Variants in SNTG2 observed in about 807,000 individuals in gnomAD.
SNTG2 encodes syntrophin gamma 2.
SNTG2 carries 74 observed loss-of-function variants against 70.9 expected under a neutral mutation model. That is an observed-to-expected ratio of 1.04 (90% CI 0.86 to 1.27). SNTG2 has a LOEUF of 1.27. Ranked by LOEUF, SNTG2 falls within the 50% of genes most tolerant of loss-of-function variation. SNTG2 has a pLI of 0.00. For synonymous variants in SNTG2, 278 were observed against 273.8 expected (o/e 1.02, Z -0.15); for missense variants, 717 against 690.7 (o/e 1.04, Z -0.43).
chr2:1,346,620 A>C (rs1660294751), intron 16 of SNTG2: 1 of 152,254 alleles, frequency 6.6e-6, no homozygotes, highest in Admixed American at 6.5e-5. Flanking sequence ...CCAAATACTT[A>C]CAGGTTTATT....
At chr2:1,275,361 C>T (rs1156317402) in intron 14 of SNTG2, among the ~76,000 whole-genome samples, 1 of 152,240 alleles carries the variant, frequency 6.6e-6, no homozygotes, top group Admixed American at 6.5e-5. Flanking sequence ...TCTATCACTG[C>T]CATTTTTCCA....
chr2:1,006,494 A>G (rs1365550668), intron 1 of SNTG2, among the ~76,000 whole-genome samples: 1 of 151,818 alleles, frequency 6.6e-6, no homozygotes. Context: ...GGACCTCAGT[A>G]TCATCATTTA....
intron 2 of SNTG2, among the ~76,000 whole-genome samples, chr2:1,092,107 G>C (rs1665065842): frequency 6.6e-6 from 1 of 152,344 alleles, no homozygotes; most frequent in South Asian, 2.1e-4. Context: ...GGCGAAGTCT[G>C]TTAGCACATT....
intron 1 of SNTG2, among the ~76,000 whole-genome samples, chr2:1,078,143 C>T (rs539726149): frequency 9.8e-4 from 150 of 152,300 alleles, no homozygotes; most frequent in Non-Finnish European, 1.3e-3. Flanking sequence ...AAGTAGGCTT[C>T]CTGTGGCATT....
intron 6 of SNTG2, among the ~76,000 whole-genome samples, chr2:1,152,551 T>C (rs1465302121): frequency 7.1e-6 from 1 of 140,954 alleles, no homozygotes; most frequent in Admixed American, 7.3e-5. Flanking sequence ...TGCACACACG[T>C]ATGTTTCTAG....
chr2:1,215,823 T>C (rs58375007), intron 9 of SNTG2, among the ~76,000 whole-genome samples: 27,227 of 151,542 alleles, frequency 0.18, 4,841 homozygotes, highest in African/African-American at 0.47. Flanking sequence ...TTTGTCCTTG[T>C]GATAGTTTGC....
chr2:1,156,012 C>A (rs1203635504), intron 6 of SNTG2, among the ~76,000 whole-genome samples: 2 of 152,126 alleles, frequency 1.3e-5, no homozygotes, highest in African/African-American at 4.8e-5. Flanking sequence ...ACACCGCAGA[C>A]AAAGGAACCC....
intron 15 of SNTG2, among the ~76,000 whole-genome samples, chr2:1,311,898 A>G (rs929122930): frequency 1.3e-5 from 2 of 152,188 alleles, no homozygotes; most frequent in African/African-American, 4.8e-5. Flanking sequence ...TGACATGGCA[A>G]CAATGCCTAT....
chr2:1,124,386 C>G (rs1235625983), intron 4 of SNTG2, among the ~76,000 whole-genome samples: 1 of 150,780 alleles, frequency 6.6e-6, no homozygotes, highest in African/African-American at 2.4e-5. Flanking sequence ...GCTCTGCTTC[C>G]CAGGTTCATG....
intron 6 of SNTG2, among the ~76,000 whole-genome samples, chr2:1,145,008 T>C (rs1669007053): frequency 6.6e-6 from 1 of 152,218 alleles, no homozygotes; most frequent in Non-Finnish European, 1.5e-5. Context: ...AATAGAAATC[T>C]TAAAAATATT....
intron 4 of SNTG2, among the ~76,000 whole-genome samples, chr2:1,105,746 G>A (rs923358300): frequency 1.3e-5 from 2 of 152,158 alleles, no homozygotes; most frequent in African/African-American, 2.4e-5. Context: ...CATTGCTTAC[G>A]GAAAAGCCGA....
At chr2:1,160,198 A>T (rs1336021983) in intron 6 of SNTG2, 1 of 152,186 alleles carries the variant, frequency 6.6e-6, no homozygotes, top group Non-Finnish European at 1.5e-5. Flanking sequence ...CTGGATTAAA[A>T]TGCACATACA....
chr2:1,230,439 C>G (rs989641449), intron 9 of SNTG2, among the ~76,000 whole-genome samples: 11 of 152,132 alleles, frequency 7.2e-5, no homozygotes, highest in Non-Finnish European at 1.2e-4. Context: ...GTGAGTGATG[C>G]CTTCACCTGG....
At chr2:1,310,676 GC>G (rs1366799553) in intron 15 of SNTG2, among the ~76,000 whole-genome samples, 1 of 152,026 alleles carries the variant, frequency 6.6e-6, no homozygotes, top group African/African-American at 2.4e-5. Flanking sequence ...CTCCTCAAGG[GC>G]ATCACCATCC....
intron 1 of SNTG2, among the ~76,000 whole-genome samples, chr2:1,081,433 C>T (rs1311234980): frequency 3.3e-5 from 5 of 152,248 alleles, no homozygotes; most frequent in South Asian, 2.1e-4. Flanking sequence ...AAGAGTTACA[C>T]GTTACACACA....
intron 9 of SNTG2, among the ~76,000 whole-genome samples, chr2:1,229,765 A>G (rs116607886): frequency 0.017 from 2,629 of 152,352 alleles, 29 homozygotes; most frequent in South Asian, 0.044. Flanking sequence ...GCCAAGGCCC[A>G]GTGAGAAATT....
rs1234269574 is a variant in SNTG2 at position 1,253,927 on chromosome 2, C to A, written c.1006-5443C>A. ...GAGAACTGTATCACAAGAATAGAAC[C>A]ATGGCCAGAGAAGGAGGAAGAGAGG... On this transcript the variant is annotated intron_variant, in intron 12 of 16. Transcript: ENST00000308624. Among the ~76,000 whole-genome samples, 4 of 152,050 alleles carry A rather than the reference C, an allele frequency of 2.6e-5. No individual in the cohort carries two copies. In the East Asian group the frequency reaches 7.7e-4, roughly 29 times the overall value.
At chr2:1,123,858 TA>T (rs1667531482) in intron 4 of SNTG2, among the ~76,000 whole-genome samples, 1 of 151,902 alleles carries the variant, frequency 6.6e-6, no homozygotes, top group Non-Finnish European at 1.5e-5. Flanking sequence ...GTAAACCAAT[TA>T]AAAATGGGCA....
At chr2:1,118,921 C>G (rs1485024392) in intron 4 of SNTG2, among the ~76,000 whole-genome samples, 1 of 152,104 alleles carries the variant, frequency 6.6e-6, no homozygotes, top group Non-Finnish European at 1.5e-5. Context: ...TTTCATGAAG[C>G]TCAAAGATCA....
Sources: gnomAD v4.1 joint callset for allele counts (sites outside exome capture counted in the v4.1 genomes callset) on GRCh38, gnomAD v4.1.1 for gene constraint, MANE v1.5 for transcripts, NCBI Gene and HGNC (gene_info 2026-07-23, HGNC 2026-07-21) for gene names.